FLT3: variants seen among roughly 807,000 people sequenced by gnomAD.
FLT3 encodes receptor-type tyrosine-protein kinase FLT3.
FLT3 carries 46 observed loss-of-function variants against 126.6 expected under a neutral mutation model. The ratio of observed to expected loss-of-function variants is 0.36; its 90% confidence interval spans 0.29 to 0.46. FLT3 has a LOEUF of 0.46. FLT3 is among the 20% of genes least tolerant of loss of function. The pLI, the probability that FLT3 is intolerant of heterozygous loss-of-function variation, is 1.00. For missense variants in FLT3, 1,069 were observed against 1,190.3 expected, an observed-to-expected ratio of 0.90 and a Z score of 1.50; for synonymous variants, 404 against 434.4, an observed-to-expected ratio of 0.93 and a Z score of 0.87.
chr13:28,014,517 T>C lies in FLT3; in HGVS notation c.2794A>G (p.Lys932Glu). 1.2e-6 allele frequency: 2 copies of C among 1,614,124 alleles called. No individual in the cohort carries two copies. Among genetic ancestry groups the C allele is most frequent in the South Asian group, 2.2e-5 (2 of 91,082 alleles). The change falls in exon 23 of 24, where the codon AAA becomes GAA. Residue 932 changes from lysine (K) to glutamate (E), a missense_variant. Lys to Glu is a moderately conservative substitution (Grantham distance 56, BLOSUM62 1). Transcript: ENST00000241453. ...MQSCWAFDSR[K>E]RPSFPNLTSF... ...GTCAAATTAGGGAAGGATGGCCGTT[T>C]CCTTGAGTCAAAAGCCCAGCAGGAT...
chr13:28,021,388 T>TCAAAAA (rs1270606191), intron 19 of FLT3, among the ~76,000 whole-genome samples: 1 of 152,120 alleles, frequency 6.6e-6, no homozygotes, highest in Admixed American at 6.5e-5. Context: ...AGACATTGTC[T>TCAAAAA]CAAAAACAAA....
At chr13:28,062,154 T>G (rs1876628694) in intron 2 of FLT3, 85 bp from the exon 3 acceptor site, 3 of 1,016,574 alleles carry the variant, frequency 3.0e-6, no homozygotes, top group East Asian at 4.8e-5. Context: ...TTATCAAACA[T>G]ATGCATGCTG....
At position 28,046,892 on chromosome 13, in the gene FLT3, G is replaced by A. The variant is rs146781058; in HGVS notation, c.1205+1383C>T. Among the ~76,000 whole-genome samples, 621 of 151,858 alleles carry A rather than the reference G, an allele frequency of 4.1e-3. 2 individuals are homozygous for A. The highest frequency in any genetic ancestry group is 0.017 in the Middle Eastern group (5 of 294). ...ATGACAGGTGTGACCCACCGAGCCC[G>A]GCCAATATAAAAATTATTAATAATA... On this transcript the variant is annotated intron_variant, in intron 9 of 23. Coordinates refer to ENST00000241453, the MANE Select transcript of FLT3 (RefSeq NM_004119.3).
At chr13:28,069,919 G>T (rs772416691) in intron 2 of FLT3, among the ~76,000 whole-genome samples, 3 of 152,088 alleles carry the variant, frequency 2.0e-5, no homozygotes, top group Non-Finnish European at 4.4e-5. Context: ...TTCAAGATCA[G>T]CCTGGGCAAC....
At position 28,100,437 on chromosome 13, in the gene FLT3, A is replaced by G. The variant is rs2137844246; in HGVS notation, c.43+31T>C. 8.3e-7 allele frequency: 1 copy of G among 1,207,048 alleles called. No individual in the cohort carries two copies. The highest frequency in any genetic ancestry group is 1.0e-6 in the Non-Finnish European group (1 of 971,826). The allele number at this position is 1,207,048 out of a possible 1,614,324, so 74.8% of individuals were successfully genotyped here. The stretch of plus-strand genomic sequence containing the variant: ...GCGGGGTGGGGGCTGAGGGACCGCG[A>G]GGGGCTGCGAGCGAGCGAGCGGGGC... On this transcript the variant is annotated intron_variant, in intron 1 of 23. Transcript: ENST00000241453. This position sits in a 1 kb window ranked among gnomAD's most constrained non-coding sequence, Gnocchi z 4.8.
At chr13:28,024,140 T>C (rs1278704447) in intron 18 of FLT3, among the ~76,000 whole-genome samples, 1 of 151,280 alleles carries the variant, frequency 6.6e-6, no homozygotes, top group African/African-American at 2.4e-5. Flanking sequence ...TTTCTTTCTT[T>C]TTTTTTTTTG....
At chr13:28,044,613 A>ACTTT (rs1294022464) in intron 9 of FLT3, among the ~76,000 whole-genome samples, 2 of 152,144 alleles carry the variant, frequency 1.3e-5, no homozygotes, top group Admixed American at 6.5e-5. Flanking sequence ...CTTGTTCAGT[A>ACTTT]CTTTGAGCAT....
chr13:28,012,828 T>C (rs1270751212), intron 23 of FLT3, among the ~76,000 whole-genome samples: 1 of 151,832 alleles, frequency 6.6e-6, no homozygotes, highest in African/African-American at 2.4e-5. Context: ...TCCCAGCTAC[T>C]TGGGAGGCTG....
At chr13:28,070,991 CTTTTT>C (rs11408684) in intron 1 of FLT3, among the ~76,000 whole-genome samples, 1 of 90,890 alleles carries the variant, frequency 1.1e-5, no homozygotes, top group Non-Finnish European at 1.9e-5. Context: ...AGATTTCTAC[CTTTTT>C]TTTTTTTTTT....
chr13:28,064,171 G>A (rs1434705341), intron 2 of FLT3, among the ~76,000 whole-genome samples: 4 of 152,180 alleles, frequency 2.6e-5, no homozygotes, highest in African/African-American at 7.2e-5. Flanking sequence ...AGTAAAGGGC[G>A]AATACCCCTA....
rs370600138 is a variant in FLT3, at chr13:28,077,002, AAAGG to A, written c.44-6394_44-6391del. ...AGGAAGGGAGGGAAGAGACAGACAG[AAAGG>A]AAGGAAGGAAGGAAGGAAAAGAAAG... On this transcript the variant is annotated intron_variant, in intron 1 of 23. Transcript: ENST00000241453. Among the ~76,000 whole-genome samples the A allele has an allele frequency of 8.0e-3, 1,116 of 139,852 alleles. 8 individuals are homozygous for A. Among genetic ancestry groups the A allele is most frequent in the Non-Finnish European group, 0.013 (845 of 66,046 alleles). 91.7% of individuals were successfully genotyped at this position (139,852 alleles called of 152,430 possible).
At chr13:28,094,403 C>G (rs1879317747) in intron 1 of FLT3, among the ~76,000 whole-genome samples, 2 of 152,154 alleles carry the variant, frequency 1.3e-5, no homozygotes, top group South Asian at 4.2e-4. Flanking sequence ...TATTTTTTTA[C>G]TGTTTAACCT....
At chr13:28,075,951 A>G (rs1205086811) in intron 1 of FLT3, among the ~76,000 whole-genome samples, 1 of 151,660 alleles carries the variant, frequency 6.6e-6, no homozygotes, top group East Asian at 2.0e-4. Flanking sequence ...ATGCACCACC[A>G]CACCCGGCTA....
intron 17 of FLT3, among the ~76,000 whole-genome samples, chr13:28,026,111 G>C (rs952443995): frequency 1.3e-5 from 2 of 152,028 alleles, no homozygotes; most frequent in East Asian, 1.9e-4. Flanking sequence ...AGCACTTTGC[G>C]GGGCCTAGGT....
intron 1 of FLT3, among the ~76,000 whole-genome samples, chr13:28,075,801 A>ATT (rs34694672): frequency 9.3e-4 from 136 of 146,160 alleles, no homozygotes; most frequent in South Asian, 2.2e-3. Context: ...TCTCTTAGCA[A>ATT]TTTTTTTTTT....
chr13:28,015,564 G>A (rs1871775986), intron 21 of FLT3, 26 bp downstream of exon 21: 2 of 1,415,026 alleles, frequency 1.4e-6, no homozygotes, highest in Non-Finnish European at 2.0e-6. Context: ...CAGGAGCCAA[G>A]GGAGGCCAGC....
At chr13:28,026,412 G>A (rs1003983875) in intron 17 of FLT3, among the ~76,000 whole-genome samples, 8 of 149,076 alleles carry the variant, frequency 5.4e-5, no homozygotes. Context: ...CCATCAGAAT[G>A]CCTGGGAATC....
rs1873570395 is a variant in FLT3, at chr13:28,033,786, C to A, written c.1942+101G>T. On this transcript the variant is annotated intron_variant, in intron 15 of 23. Coordinates refer to ENST00000241453, the MANE Select transcript of FLT3 (RefSeq NM_004119.3). ...ATTTTTAGCCTTGAAACATGGCAAA[C>A]AGTAACCATTAAAAGGATGGAAAAG... 3.4e-5 allele frequency: 31 copies of A among 909,626 alleles called. 1 individual carries two copies. The South Asian group carries it at 4.5e-4, about 13-fold the overall frequency. The allele number at this position is 909,626 out of a possible 1,614,324, so 56.3% of individuals were successfully genotyped here. A position where few individuals can be genotyped will look rare whatever the true frequency, so the allele number is the denominator to read the frequency against.
intron 1 of FLT3, among the ~76,000 whole-genome samples, chr13:28,079,703 A>G (rs1359134515): frequency 6.6e-6 from 1 of 152,044 alleles, no homozygotes; most frequent in Non-Finnish European, 1.5e-5. Context: ...CACCTGATAA[A>G]CCCATCAGAT....
Sources: gnomAD v4.1 joint callset for allele counts (sites outside exome capture counted in the v4.1 genomes callset) on GRCh38, gnomAD v4.1.1 for gene constraint, Gnocchi (gnomAD v3.1) non-coding constraint, MANE v1.5 for transcripts, NCBI Gene and HGNC (gene_info 2026-07-23, HGNC 2026-07-21) for gene names.